Variants in KCNG2 observed in about 807,000 individuals in gnomAD.
KCNG2 encodes voltage-gated potassium channel regulatory subunit KCNG2.
A neutral mutation model predicts 12.3 loss-of-function variants in KCNG2; 7 were observed. The ratio of observed to expected loss-of-function variants is 0.57; its 90% CI spans 0.32 to 1.07. KCNG2 has a LOEUF of 1.07. Ranked by LOEUF, KCNG2 falls within the 50% of genes least tolerant of loss-of-function variation. KCNG2 has a pLI of 0.04. For synonymous variants in KCNG2, 414 were observed against 351.4 expected (o/e 1.18, Z -1.99); for missense variants, 703 against 726.0 (o/e 0.97, Z 0.36).
At chr18:79,846,610 T>C (rs1412030926) in intron 1 of KCNG2, among the ~76,000 whole-genome samples, 1 of 152,168 alleles carries the variant, frequency 6.6e-6, no homozygotes, top group Non-Finnish European at 1.5e-5. Flanking sequence ...TGGGTGATTA[T>C]AGTCTTAATT....
At chr18:79,878,153 G>A (rs779447128) in intron 3 of KCNG2, among the ~76,000 whole-genome samples, 9 of 152,270 alleles carry the variant, frequency 5.9e-5, no homozygotes, top group Admixed American at 1.3e-4. Flanking sequence ...CACAGGAAGC[G>A]TTCTGAGACT....
rs530288627 is a variant in KCNG2, at chr18:79,811,488, A to C, written c.-115+13474A>C. Among the ~76,000 whole-genome samples, 3 of 152,372 alleles carry C rather than the reference A, an allele frequency of 2.0e-5. No homozygotes were observed. The South Asian group carries it at 6.2e-4, about 32-fold the overall frequency. On this transcript the variant is annotated intron_variant, in intron 1 of 3. Transcript: ENST00000316249. ...GCAATGGAGAAAGAATAGTCTCTTC[A>C]GCAGATGGTGCTGGGACAACTGGAT...
intron 2 of KCNG2, among the ~76,000 whole-genome samples, chr18:79,857,330 T>C (rs1979052431): frequency 6.6e-6 from 1 of 151,258 alleles, no homozygotes; most frequent in Admixed American, 6.6e-5. Flanking sequence ...GCTTCTCTCC[T>C]GGCCTCCATT....
At chr18:79,828,449 G>GTA (rs1431006314) in intron 1 of KCNG2, among the ~76,000 whole-genome samples, 1 of 151,052 alleles carries the variant, frequency 6.6e-6, no homozygotes, top group Non-Finnish European at 1.5e-5. Context: ...AGTGTGTGGT[G>GTA]TGTGTGCAAA....
At position 79,871,942 on chromosome 18, in the gene KCNG2, C is replaced by A. The variant is rs146238763; in HGVS notation, c.624+7651C>A. ...GCAGATGTGTCACCAGGGCCAGCTG[C>A]TCTGGGGCCGCACAATGCCACCGGA... On this transcript the variant is annotated intron_variant, in intron 3 of 3. Transcript: ENST00000316249. Among the ~76,000 whole-genome samples, 34 of 152,346 alleles carry A rather than the reference C, an allele frequency of 2.2e-4. 1 individual carries two copies. The East Asian group carries it at 5.4e-3, about 24-fold the overall frequency.
intron 3 of KCNG2, among the ~76,000 whole-genome samples, chr18:79,867,595 TG>T (rs562435260): frequency 1.2e-4 from 10 of 82,056 alleles, no homozygotes; most frequent in African/African-American, 4.3e-4. Context: ...GTGTCGTGTC[TG>T]GGGGGGGACC....
Position 79,803,964 on chromosome 18 carries a change from G to A in KCNG2, c.-115+5950G>A, listed in dbSNP as rs1416323083. Among the ~76,000 whole-genome samples, 1 of 152,220 alleles carries A rather than the reference G, an allele frequency of 6.6e-6. No individual in the cohort carries two copies. Among genetic ancestry groups the A allele is most frequent in the Non-Finnish European group, 1.5e-5 (1 of 68,018 alleles). On this transcript the variant is annotated intron_variant, in intron 1 of 3. Transcript: ENST00000316249. This position sits in a 1 kb window ranked among gnomAD's most constrained non-coding sequence, Gnocchi z 4.5. ...TCTCACCTTCAGGGAGCTCTAGCCTGCAGCAGGCCCGTCCTTTGCTGGTGG... is the reference window on the plus strand; with the variant it reads ...TCTCACCTTCAGGGAGCTCTAGCCTACAGCAGGCCCGTCCTTTGCTGGTGG...
At chr18:79,888,599 C>G (rs925610585) in intron 3 of KCNG2, among the ~76,000 whole-genome samples, 1 of 152,194 alleles carries the variant, frequency 6.6e-6, no homozygotes, top group Non-Finnish European at 1.5e-5. Flanking sequence ...GGTTCTCATT[C>G]CCGTTTCCCT....
At chr18:79,841,365 A>C (rs558499493) in intron 1 of KCNG2, among the ~76,000 whole-genome samples, 1 of 152,346 alleles carries the variant, frequency 6.6e-6, no homozygotes, top group South Asian at 2.1e-4. Context: ...ATCATTCTTC[A>C]CACCAAAAGC....
At chr18:79,889,590 C>T (rs1384189795) in intron 3 of KCNG2, among the ~76,000 whole-genome samples, 6 of 152,224 alleles carry the variant, frequency 3.9e-5, no homozygotes, top group African/African-American at 1.4e-4. Context: ...GTCGCATATT[C>T]TACAACCTTG....
At chr18:79,802,089 G>T (rs1264841134) in intron 1 of KCNG2, among the ~76,000 whole-genome samples, 1 of 152,188 alleles carries the variant, frequency 6.6e-6, no homozygotes, top group Non-Finnish European at 1.5e-5. Context: ...ATAGTGAGAT[G>T]GAATAGACAG....
chr18:79,807,437 G>C (rs1568241301), intron 1 of KCNG2, among the ~76,000 whole-genome samples: 1 of 152,280 alleles, frequency 6.6e-6, no homozygotes, highest in East Asian at 1.9e-4. Flanking sequence ...AGAGAAGCAA[G>C]CGCTCAGTGA....
At chr18:79,865,165 G>T (rs1446461462) in intron 3 of KCNG2, among the ~76,000 whole-genome samples, 1 of 148,396 alleles carries the variant, frequency 6.7e-6, no homozygotes, top group African/African-American at 2.5e-5. Context: ...GTGCTGAGAG[G>T]TCTGGCTGCT....
chr18:79,878,379 G>A (rs1980161811), intron 3 of KCNG2, among the ~76,000 whole-genome samples: 1 of 145,484 alleles, frequency 6.9e-6, no homozygotes, highest in African/African-American at 2.6e-5. Context: ...CCATGTGGCA[G>A]TGTGCGGAGG....
chr18:79,855,027 T>G (rs770599786), intron 1 of KCNG2, among the ~76,000 whole-genome samples: 2 of 152,198 alleles, frequency 1.3e-5, no homozygotes, highest in Non-Finnish European at 2.9e-5. Context: ...CTGGGGGTTT[T>G]TTTGTTTTTT....
At chr18:79,870,595 C>G (rs1219516651) in intron 3 of KCNG2, among the ~76,000 whole-genome samples, 2 of 152,228 alleles carry the variant, frequency 1.3e-5, no homozygotes, top group Non-Finnish European at 2.9e-5. Flanking sequence ...GACCTGCCCG[C>G]TGTTGGAGGT....
intron 1 of KCNG2, among the ~76,000 whole-genome samples, chr18:79,848,092 T>G (rs1407180460): frequency 6.6e-6 from 1 of 152,120 alleles, no homozygotes; most frequent in Non-Finnish European, 1.5e-5. Context: ...CTTGCAGAGC[T>G]TCTCCCGGTG....
chr18:79,823,230 C>T (rs1010540464), intron 1 of KCNG2, among the ~76,000 whole-genome samples: 1 of 152,216 alleles, frequency 6.6e-6, no homozygotes, highest in Non-Finnish European at 1.5e-5. Flanking sequence ...ACCGTGTAGA[C>T]ACCCGCGTTT....
intron 1 of KCNG2, among the ~76,000 whole-genome samples, chr18:79,839,158 A>G (rs1978386028): frequency 6.6e-6 from 1 of 152,146 alleles, no homozygotes; most frequent in African/African-American, 2.4e-5. Flanking sequence ...TTAGCAGAAT[A>G]TGTGGGCGCA....
Sources: gnomAD v4.1 joint callset for allele counts (sites outside exome capture counted in the v4.1 genomes callset) on GRCh38, gnomAD v4.1.1 for gene constraint, Gnocchi (gnomAD v3.1) non-coding constraint, MANE v1.5 for transcripts, NCBI Gene and HGNC (gene_info 2026-07-23, HGNC 2026-07-21) for gene names.